The following ZNF563 variants were observed in gnomAD, a reference collection of about 807,000 sequenced individuals.
ZNF563 encodes zinc finger protein 563.
ZNF563 carries 39 observed loss-of-function variants against 48.5 expected under a neutral mutation model. The observed-to-expected ratio is 0.80, with a 90% CI of 0.62 to 1.05. The LOEUF is 1.05. Ranked by LOEUF, ZNF563 falls within the 50% of genes least tolerant of loss-of-function variation. The pLI, the probability that ZNF563 is intolerant of heterozygous loss-of-function variation, is 0.00. For synonymous variants in ZNF563, 168 were observed against 187.9 expected (o/e 0.89, Z 0.87); for missense variants, 538 against 597.0 (o/e 0.90, Z 1.03).
chr19:12,344,286 G>A, the ZNF563 span, among the ~76,000 whole-genome samples: 3 of 151,222 alleles, frequency 2.0e-5, no homozygotes, highest in Non-Finnish European at 4.4e-5. Context: ...CCAGCTACCC[G>A]GGAGGCTGAG....
intron 1 of ZNF563, among the ~76,000 whole-genome samples, chr19:12,323,569 A>G (rs1478056544): frequency 1.3e-5 from 2 of 152,258 alleles, no homozygotes; most frequent in Non-Finnish European, 2.9e-5. Context: ...CCCACCAGCA[A>G]GAAGGTTCTC....
chr19:12,325,137 G>A (rs534385804), intron 1 of ZNF563, among the ~76,000 whole-genome samples: 1 of 152,272 alleles, frequency 6.6e-6, no homozygotes, highest in South Asian at 2.1e-4. Context: ...GAAAAATGGT[G>A]CAAAATACAC....
At position 12,320,798 on chromosome 19, in the gene ZNF563, C is replaced by T. The variant is rs1241036641; in HGVS notation, c.191+474G>A. On this transcript the variant is annotated intron_variant, in intron 3 of 3. Coordinates refer to ENST00000293725, the MANE Select transcript of ZNF563 (RefSeq NM_145276.3). ...ACAGGCATGAGCCACCATGTCCAGC[C>T]TCATATGTAAATTCTTATAAAATGT... Among the ~76,000 whole-genome samples, 4 of 152,020 alleles carry T rather than the reference C, an allele frequency of 2.6e-5. No homozygotes were observed. In the East Asian group the frequency reaches 7.7e-4, roughly 29 times the overall value.
chr19:12,318,959 C>T lies in ZNF563; in HGVS notation c.1066G>A (p.Glu356Lys). 6.2e-7 allele frequency: 1 copy of T among 1,614,246 alleles called. No individual in the cohort carries two copies. Among genetic ancestry groups the T allele is most frequent in the Non-Finnish European group, 8.5e-7 (1 of 1,180,034 alleles). The change falls in exon 4 of 4, where the codon GAA becomes AAA. Residue 356 changes from glutamate (E) to lysine (K), a missense_variant. Coordinates refer to ENST00000293725, the MANE Select transcript of ZNF563 (RefSeq NM_145276.3). ...GGTTTCTCTCCAGTGTGAATTCGTT[C>T]ATGATATCGAACTAAACTGGGACGA... ...FDRPSLVRYH[E>K]RIHTGEKPYE...
Position 12,320,700 on chromosome 19 carries a change from T to C in ZNF563, c.191+572A>G, listed in dbSNP as rs578188366. Among the ~76,000 whole-genome samples the C allele has an allele frequency of 1.4e-4, 22 of 152,186 alleles. No individual in the cohort carries two copies. In the South Asian group the frequency reaches 4.3e-3, roughly 30 times the overall value. ...CTTTTGTAGAGACAGGGTTTCACTATGTTGGCCAGGCTGGTCTCAAACTCC... is the reference window on the plus strand; with the variant it reads ...CTTTTGTAGAGACAGGGTTTCACTACGTTGGCCAGGCTGGTCTCAAACTCC... On this transcript the variant is annotated intron_variant, in intron 3 of 3. Transcript: ENST00000293725.
Position 12,326,426 on chromosome 19 carries a change from T to G in ZNF563, c.4-3715A>C, listed in dbSNP as rs188668870. Among the ~76,000 whole-genome samples, 9 of 152,072 alleles carry G rather than the reference T, an allele frequency of 5.9e-5. No individual in the cohort carries two copies. In the East Asian group the frequency reaches 1.7e-3, roughly 29 times the overall value. ...TGGGAGGCCGAGGGGAGCGGATCAC[T>G]TGAGGTCGGGAGTTCGAGACCAGCC... On this transcript the variant is annotated intron_variant, in intron 1 of 3. Coordinates refer to ENST00000293725, the MANE Select transcript of ZNF563 (RefSeq NM_145276.3).
chr19:12,345,890 C>T, the ZNF563 span: 1 of 151,974 alleles, frequency 6.6e-6, no homozygotes, highest in African/African-American at 2.4e-5. Context: ...TGCACTCCAG[C>T]CTGGGTGACA....
intron 1 of ZNF563, among the ~76,000 whole-genome samples, chr19:12,328,899 T>G (rs1043439767): frequency 6.6e-6 from 1 of 152,118 alleles, no homozygotes; most frequent in African/African-American, 2.4e-5. Flanking sequence ...CACAAATTTC[T>G]CAAGTACACA....
At chr19:12,328,562 C>T (rs991149870) in intron 1 of ZNF563, among the ~76,000 whole-genome samples, 10 of 152,004 alleles carry the variant, frequency 6.6e-5, no homozygotes, top group South Asian at 2.1e-4. Flanking sequence ...CACCTGAGGT[C>T]GGGAGTTCAA....
chr19:12,330,637 G>T (rs1241012971), intron 1 of ZNF563, among the ~76,000 whole-genome samples: 2 of 152,148 alleles, frequency 1.3e-5, no homozygotes, highest in East Asian at 3.8e-4. Context: ...AGCAGGTATT[G>T]CCAGGCAGCG....
At chr19:12,334,652 T>C (rs1227063644), upstream of ZNF563, among the ~76,000 whole-genome samples, 1 of 152,124 alleles carries the variant, frequency 6.6e-6, no homozygotes, top group Non-Finnish European at 1.5e-5. Context: ...GTGAATCACC[T>C]GAGGTCACCA....
upstream of ZNF563, among the ~76,000 whole-genome samples, chr19:12,336,319 G>A (rs952704780): frequency 2.0e-5 from 3 of 152,000 alleles, no homozygotes; most frequent in African/African-American, 7.2e-5. Flanking sequence ...AAGGCCAGGC[G>A]CGGTGGCTCA....
In ZNF563 at chr19:12,318,789, T is replaced by C. The variant is rs1197491736; in HGVS notation, c.1236A>G (p.Glu412=). The C allele has an allele frequency of 1.2e-6, 2 of 1,614,176 alleles. No individual in the cohort carries two copies. Among genetic ancestry groups the C allele is most frequent in the Admixed American group, 3.3e-5 (2 of 60,018 alleles). The change falls in exon 4 of 4, where the codon GAA becomes GAG. Residue 412 remains glutamate (E), a synonymous_variant. Coordinates refer to ENST00000293725, the MANE Select transcript of ZNF563 (RefSeq NM_145276.3). Reference sequence around the variant, plus strand: ...AGGGTTTCTCTCCACTGTGAGACTTTTCGTGTCTTTGACATACACTAGGAT... The same window carrying C: ...AGGGTTTCTCTCCACTGTGAGACTTCTCGTGTCTTTGACATACACTAGGAT... ...FVYPSVCQRH[E]KSHSGEKPYE...
In ZNF563 at chr19:12,319,870, T is replaced by G. The variant is rs1968562364; in HGVS notation, c.192-37A>C. ...GAGTAGTACGTTACTAAATAGTTGT[T>G]TCTAAATGATTATTTATTTATGTGT... is the stretch of plus-strand genomic sequence containing the variant. On this transcript the variant is annotated intron_variant, in intron 3 of 3. Transcript: ENST00000293725. The G allele has an allele frequency of 1.9e-6, 3 of 1,554,402 alleles. No individual in the cohort carries two copies. The African/African-American group carries it at 4.1e-5, about 21-fold the overall frequency.
Position 12,318,338 on chromosome 19 carries a change from A to G in ZNF563, c.*256T>C. Reference sequence around the variant, plus strand: ...AAAATGACTGAAGGCTTCCCTACATATTTTACACTCACAGAGTTTTTCTGC... The same window carrying G: ...AAAATGACTGAAGGCTTCCCTACATGTTTTACACTCACAGAGTTTTTCTGC... On this transcript the variant is annotated 3_prime_UTR_variant, in exon 4 of 4. Transcript: ENST00000293725. The G allele has an allele frequency of 2.0e-6, 1 of 508,676 alleles. No individual in the cohort carries two copies. The highest frequency in any genetic ancestry group is 3.5e-6 in the Non-Finnish European group (1 of 288,888). The allele number at this position is 508,676 out of a possible 1,614,324, so 31.5% of individuals were successfully genotyped here.
chr19:12,326,757 C>T (rs1463849889), intron 1 of ZNF563, among the ~76,000 whole-genome samples: 1 of 152,048 alleles, frequency 6.6e-6, no homozygotes, highest in African/African-American at 2.4e-5. Context: ...CCTGCCTTGC[C>T]AGTAACGTTA....
At position 12,319,282 on chromosome 19, in the gene ZNF563, G is replaced by A. The variant is rs746889571; in HGVS notation, c.743C>T (p.Thr248Ile). Reference sequence around the variant, plus strand: ...CTTACATTCATACGGTTTCTCCCCAGTGTGCATTCTCTCATGTCTTCGATA... The same window carrying A: ...CTTACATTCATACGGTTTCTCCCCAATGTGCATTCTCTCATGTCTTCGATA... ...SSYRRHERMH[T>I]GEKPYECKQC... The change falls in exon 4 of 4, where the codon ACT becomes ATT. Residue 248 changes from threonine (T) to isoleucine (I), a missense_variant. Thr to Ile is a moderately conservative substitution (Grantham distance 89). Transcript: ENST00000293725. 3 of 1,613,838 alleles carry A rather than the reference G, an allele frequency of 1.9e-6. No homozygotes were observed. The highest frequency in any genetic ancestry group is 1.1e-5 in the South Asian group (1 of 91,046).
At chr19:12,335,980 A>G (rs1346805542), upstream of ZNF563, among the ~76,000 whole-genome samples, 1 of 152,204 alleles carries the variant, frequency 6.6e-6, no homozygotes, top group South Asian at 2.1e-4. Context: ...CAGAGGGCAA[A>G]AGGGAATGTT....
chr19:12,335,137 C>T (rs1758430909), upstream of ZNF563, among the ~76,000 whole-genome samples: 1 of 152,070 alleles, frequency 6.6e-6, no homozygotes, highest in African/African-American at 2.4e-5. Flanking sequence ...GGCTGGGGCT[C>T]AGAAAACAAT....
Sources: gnomAD v4.1 joint callset for allele counts (sites outside exome capture counted in the v4.1 genomes callset) on GRCh38, gnomAD v4.1.1 for gene constraint, MANE v1.5 for transcripts, NCBI Gene and HGNC (gene_info 2026-07-23, HGNC 2026-07-21) for gene names.